The following VWA8 variants were observed in gnomAD, a reference collection of about 807,000 sequenced individuals.
VWA8 encodes the protein von Willebrand factor A domain containing 8, also known as von Willebrand factor A domain-containing protein 8.
VWA8 carries 221 observed loss-of-function variants against 241.5 expected under a neutral mutation model. That is an observed-to-expected ratio of 0.91 (90% CI 0.82 to 1.02). The LOEUF (loss-of-function observed/expected upper bound fraction) is 1.02, where lower values mean the gene tolerates loss of function less well. Among genes scored for constraint, VWA8 ranks in the 50% least tolerant of loss-of-function variants. The pLI is 0.00. For synonymous variants in VWA8, 852 were observed against 827.1 expected, an observed-to-expected ratio of 1.03 and a Z score of -0.52; for missense variants, 2,322 against 2,328.7, an observed-to-expected ratio of 1.00 and a Z score of 0.06.
At chr13:41,705,955 T>C (rs1242672486) in intron 26 of VWA8, among the ~76,000 whole-genome samples, 1 of 152,180 alleles carries the variant, frequency 6.6e-6, no homozygotes, top group Non-Finnish European at 1.5e-5. Flanking sequence ...ACATCCCAAA[T>C]TGGTTCTTTG....
intron 4 of VWA8, 138 bp downstream of exon 4, chr13:41,907,448 T>C: frequency 1.7e-6 from 1 of 574,514 alleles, no homozygotes; most frequent in Non-Finnish European, 2.9e-6. Context: ...AAACTAAAAA[T>C]CTAAATTAAA....
chr13:41,582,237 T>C (rs1426087438), intron 42 of VWA8, among the ~76,000 whole-genome samples: 1 of 152,208 alleles, frequency 6.6e-6, no homozygotes, highest in Non-Finnish European at 1.5e-5. Context: ...CTAGGGTCCC[T>C]GTGGTTTAGC....
intron 21 of VWA8, among the ~76,000 whole-genome samples, chr13:41,758,182 C>G (rs2045707678): frequency 6.6e-6 from 1 of 150,930 alleles, no homozygotes; most frequent in Admixed American, 6.6e-5. Context: ...AGTTCCATTT[C>G]AAACAGCCAT....
chr13:41,884,696 G>A (rs1196879990), intron 8 of VWA8, among the ~76,000 whole-genome samples: 1 of 151,936 alleles, frequency 6.6e-6, no homozygotes, highest in African/African-American at 2.4e-5. Context: ...TTACATTTGA[G>A]AATTTTCAAA....
intron 17 of VWA8, 138 bp from the exon 18 acceptor site, chr13:41,787,681 G>A (rs1869268764): frequency 5.0e-6 from 3 of 596,656 alleles, no homozygotes. Flanking sequence ...GTCTGGATCT[G>A]TAAAATCTAA....
At chr13:41,831,613 G>GTTTTTTTTTTTTTTTTTT (rs71096547) in intron 13 of VWA8, among the ~76,000 whole-genome samples, 1 of 113,412 alleles carries the variant, frequency 8.8e-6, no homozygotes, top group Non-Finnish European at 1.7e-5. Flanking sequence ...CCAGGCATGA[G>GTTTTTTTTTTTTTTTTTT]TTTTTTTTTT....
intron 37 of VWA8, among the ~76,000 whole-genome samples, chr13:41,622,517 T>C (rs1351435020): frequency 6.6e-6 from 1 of 152,036 alleles, no homozygotes; most frequent in Non-Finnish European, 1.5e-5. Flanking sequence ...AAAAAGAAAA[T>C]ATTATGGCCC....
chr13:41,806,123 C>A (rs988388104), intron 17 of VWA8, among the ~76,000 whole-genome samples: 1 of 151,720 alleles, frequency 6.6e-6, no homozygotes, highest in Admixed American at 6.6e-5. Flanking sequence ...AAACAATAGG[C>A]TCCTGAATGA....
At chr13:41,936,764 C>CA (rs1171380723) in intron 2 of VWA8, among the ~76,000 whole-genome samples, 1 of 152,160 alleles carries the variant, frequency 6.6e-6, no homozygotes, top group South Asian at 2.1e-4. Flanking sequence ...GTTCTCACCA[C>CA]AAAAAAGATA....
At chr13:41,641,427 C>T (rs17533872) in intron 37 of VWA8, among the ~76,000 whole-genome samples, 50,043 of 152,058 alleles carry the variant, frequency 0.33, 9,135 homozygotes, top group Non-Finnish European at 0.42. Flanking sequence ...AATTGCAATG[C>T]TAGTCCCAGT....
intron 37 of VWA8, among the ~76,000 whole-genome samples, chr13:41,620,956 G>A (rs2139667244): frequency 6.6e-6 from 1 of 152,210 alleles, no homozygotes; most frequent in East Asian, 1.9e-4. Context: ...GATGTGCTGT[G>A]ACTGATTCAA....
chr13:41,732,654 G>A (rs1226144049), intron 21 of VWA8, among the ~76,000 whole-genome samples: 4 of 152,002 alleles, frequency 2.6e-5, no homozygotes, highest in Non-Finnish European at 4.4e-5. Flanking sequence ...CTATCACACC[G>A]CTTGCCAAGA....
intron 26 of VWA8, among the ~76,000 whole-genome samples, chr13:41,711,251 G>C (rs568741852): frequency 6.6e-6 from 1 of 152,296 alleles, no homozygotes; most frequent in Admixed American, 6.5e-5. Context: ...GATGACAGAA[G>C]CTATGAGTTG....
At chr13:41,673,348 C>T (rs576945998) in intron 36 of VWA8, among the ~76,000 whole-genome samples, 65 of 152,238 alleles carry the variant, frequency 4.3e-4, no homozygotes, top group Non-Finnish European at 8.8e-5. Flanking sequence ...TGATATCTAG[C>T]AGAATGCTAA....
chr13:41,779,420 A>G (rs1368179920), intron 19 of VWA8, among the ~76,000 whole-genome samples: 2 of 152,034 alleles, frequency 1.3e-5, no homozygotes, highest in Non-Finnish European at 2.9e-5. Flanking sequence ...TTATTTTCAA[A>G]AATGCTTTCA....
chr13:41,573,484 A>ATATAT (rs796873882), intron 43 of VWA8, among the ~76,000 whole-genome samples: 103 of 117,010 alleles, frequency 8.8e-4, no homozygotes, highest in African/African-American at 3.6e-3. Flanking sequence ...TAAAAAAAAA[A>ATATAT]AAATATATAT....
chr13:41,620,624 T>C (rs2044650861), intron 37 of VWA8, among the ~76,000 whole-genome samples: 1 of 152,226 alleles, frequency 6.6e-6, no homozygotes, highest in African/African-American at 2.4e-5. Flanking sequence ...TAAATTTCCC[T>C]CTACACACTG....
intron 37 of VWA8, among the ~76,000 whole-genome samples, chr13:41,631,362 C>A (rs897974427): frequency 2.3e-4 from 35 of 151,982 alleles, no homozygotes; most frequent in African/African-American, 8.0e-4. Context: ...CCTGTTAGCT[C>A]CGGGTTATTC....
intron 23 of VWA8, among the ~76,000 whole-genome samples, chr13:41,728,890 C>T (rs2045458644): frequency 6.6e-6 from 1 of 152,044 alleles, no homozygotes; most frequent in South Asian, 2.1e-4. Flanking sequence ...TATATATTTT[C>T]AATGGCTAGT....
Sources: allele counts gnomAD v4.1 joint callset (sites outside exome capture counted in the v4.1 genomes callset), GRCh38; gene constraint gnomAD v4.1.1; transcripts MANE v1.5; gene names NCBI Gene and HGNC (gene_info 2026-07-23, HGNC 2026-07-21).